The following NKX1-1 variants were observed in gnomAD, a reference collection of about 807,000 sequenced individuals.
NKX1-1 encodes the protein NK1 homeobox 1.
A neutral mutation model predicts 1.7 loss-of-function variants in NKX1-1; 7 were observed. The ratio of observed to expected loss-of-function variants is 4.22; its 90% confidence interval spans 2.40 to 7.92. NKX1-1 has a LOEUF of 7.92. Ranked by LOEUF, NKX1-1 falls within the 30% of genes most tolerant of loss-of-function variation. The pLI is 0.00. For synonymous variants in NKX1-1, 242 were observed against 85.3 expected (o/e 2.84, Z -10.13); for missense variants, 453 against 171.5 (o/e 2.64, Z -9.17).
At position 1,406,219 on chromosome 4, in the gene NKX1-1, G is replaced by A. The variant is rs13120467; in HGVS notation, c.224C>T (p.Ala75Val). Reference protein sequence around the residue: ...PEGAGAARPAAPLRPTSFSVL... With the variant: ...PEGAGAARPAVPLRPTSFSVL... ...CGAGAAGGAGGTGGGGCGCAGGGGC[G>A]CTGCGGGCCGGGCCGCTCCAGCCCC... is the stretch of plus-strand genomic sequence containing the variant. Residue 75 changes from alanine (A) to valine (V), a missense_variant, in exon 1 of 2, where the codon GCG becomes GTG. Ala to Val is a moderately conservative substitution (Grantham distance 64). Transcript: ENST00000422806. 3 of 553,934 alleles carry A rather than the reference G, an allele frequency of 5.4e-6. No individual in the cohort carries two copies. Among genetic ancestry groups the A allele is most frequent in the East Asian group, 3.6e-5 (1 of 28,166 alleles). The allele number at this position is 553,934 out of a possible 1,614,324, so 34.3% of individuals were successfully genotyped here. A position where few individuals can be genotyped will look rare whatever the true frequency, so the allele number is the denominator to read the frequency against.
At chr4:1,405,666 C>T (rs991854764) in intron 1 of NKX1-1, among the ~76,000 whole-genome samples, 1 of 152,200 alleles carries the variant, frequency 6.6e-6, no homozygotes, top group Non-Finnish European at 1.5e-5. Flanking sequence ...CCGCGAGCGG[C>T]CCCTCGCCTC....
At chr4:1,405,926 A>G (rs1720742230) in intron 1 of NKX1-1, 54 bp downstream of exon 1, 1 of 434,046 alleles carries the variant, frequency 2.3e-6, no homozygotes, top group Admixed American at 4.4e-5. Context: ...GTAAACGCAT[A>G]GAAGCCTCCG....
In NKX1-1 at chr4:1,403,069, C is replaced by T. The variant is rs1418423957; in HGVS notation, c.1210G>A (p.Gly404Arg). The T allele has an allele frequency of 2.7e-5, 13 of 483,486 alleles. No individual in the cohort carries two copies. Among genetic ancestry groups the T allele is most frequent in the Non-Finnish European group, 3.3e-5 (9 of 275,826 alleles). 29.9% of individuals were successfully genotyped at this position (483,486 alleles called of 1,614,324 possible). ...GAPLGMHGPA[G>R]YPAHGPGGLV... is the part of the protein sequence containing the mutation. ...CCTCCGGGGCCGTGCGCCGGGTACC[C>T]GGCCGGGCCGTGCATGCCGAGCGGG... Residue 404 changes from glycine (G) to arginine (R), a missense_variant, in exon 2 of 2, where the codon GGG becomes AGG. Transcript: ENST00000422806.
Position 1,403,667 on chromosome 4 carries a change from C to G in NKX1-1, c.612G>C (p.Thr204=), listed in dbSNP as rs770392207. The change falls in exon 2 of 2, where the codon ACG becomes ACC. Residue 204 remains threonine (T), a synonymous_variant. Coordinates refer to ENST00000422806, the MANE Select transcript of NKX1-1 (RefSeq NM_001290079.1). The part of the protein sequence containing the change: ...EDDDEDEAPE[T]EAARGAEEAR... ...CCTCCTCCGCGCCTCGCGCCGCCTC[C>G]GTCTCGGGCGCTTCGTCCTCGTCGT... 7 of 651,364 alleles carry G rather than the reference C, an allele frequency of 1.1e-5. No homozygotes were observed. Among genetic ancestry groups the G allele is most frequent in the South Asian group, 4.8e-5 (3 of 61,866 alleles). 40.3% of individuals were successfully genotyped at this position (651,364 alleles called of 1,614,324 possible).
In NKX1-1 at chr4:1,406,143, G is replaced by C. The variant is rs1186184211; in HGVS notation, c.300C>G (p.Cys100Trp). Reference sequence around the variant, plus strand: ...CGGGAGCCACTGGGCCCAGCAGCACGCAACGACGCCTCCTGCTGTTGAACT... The same window carrying C: ...CGGGAGCCACTGGGCCCAGCAGCACCCAACGACGCCTCCTGCTGTTGAACT... ...PNKFNSRRRRCVLLGPVAPAA... is the reference protein window; with the variant it reads ...PNKFNSRRRRWVLLGPVAPAA... The change falls in exon 1 of 2, where the codon TGC becomes TGG. Residue 100 changes from cysteine to tryptophan, a missense_variant. Transcript: ENST00000422806. The C allele has an allele frequency of 4.8e-6, 3 of 619,192 alleles. No individual in the cohort carries two copies. Among genetic ancestry groups the C allele is most frequent in the African/African-American group, 1.9e-5 (1 of 51,718 alleles). 38.4% of individuals were successfully genotyped at this position (619,192 alleles called of 1,614,324 possible).
Position 1,403,556 on chromosome 4 carries a change from G to T in NKX1-1, c.723C>A (p.Val241=). The change falls in exon 2 of 2, where the codon GTC becomes GTA. Residue 241 remains valine, a synonymous_variant. Coordinates refer to ENST00000422806, the MANE Select transcript of NKX1-1 (RefSeq NM_001290079.1). The part of the protein sequence containing the change: ...AETDASPGAT[V]DEAAAPGPRE... The stretch of plus-strand genomic sequence containing the variant: ...GGGGTCCGGGGGCCGCTGCCTCGTC[G>T]ACGGTGGCTCCGGGGGACGCGTCGG... 2 of 453,792 alleles carry T rather than the reference G, an allele frequency of 4.4e-6. No homozygotes were observed. Among genetic ancestry groups the T allele is most frequent in the East Asian group, 3.6e-5 (1 of 27,806 alleles). The allele number at this position is 453,792 out of a possible 1,614,324, so 28.1% of individuals were successfully genotyped here.
intron 1 of NKX1-1, among the ~76,000 whole-genome samples, chr4:1,404,109 C>T (rs1325201727): frequency 6.6e-6 from 1 of 152,166 alleles, no homozygotes; most frequent in Non-Finnish European, 1.5e-5. Context: ...GGCGTTTTTG[C>T]CTGAGCGGGG....
chr4:1,403,574 C>A lies in NKX1-1; in HGVS notation c.705G>T (p.Ala235=). 2.2e-6 allele frequency: 1 copy of A among 454,168 alleles called. No individual in the cohort carries two copies. Among genetic ancestry groups the A allele is most frequent in the Non-Finnish European group, 3.8e-6 (1 of 262,386 alleles). The allele number at this position is 454,168 out of a possible 1,614,324, so 28.1% of individuals were successfully genotyped here. The change falls in exon 2 of 2, where the codon GCG becomes GCT. Residue 235 remains alanine (A), a synonymous_variant. Coordinates refer to ENST00000422806, the MANE Select transcript of NKX1-1 (RefSeq NM_001290079.1). Reference sequence around the variant, plus strand: ...CCTCGTCGACGGTGGCTCCGGGGGACGCGTCGGTCTCAGCCGCGCCCTGGC... The same window carrying A: ...CCTCGTCGACGGTGGCTCCGGGGGAAGCGTCGGTCTCAGCCGCGCCCTGGC... ...SGCQGAAETD[A]SPGATVDEAA...
chr4:1,403,349 C>A lies in NKX1-1; in HGVS notation c.930G>T (p.Ala310=). 7 of 732,920 alleles carry A rather than the reference C, an allele frequency of 9.6e-6. No homozygotes were observed. The highest frequency in any genetic ancestry group is 3.1e-5 in the East Asian group (1 of 32,426). The allele number at this position is 732,920 out of a possible 1,614,324, so 45.4% of individuals were successfully genotyped here. ...RTAFTYEQLV[A]LENKFKATRY... ...GCGTGGCCTTGAACTTGTTCTCCAGCGCCACGAGCTGCTCGTAGGTGAAGG... is the reference window on the plus strand; with the variant it reads ...GCGTGGCCTTGAACTTGTTCTCCAGAGCCACGAGCTGCTCGTAGGTGAAGG... The change falls in exon 2 of 2, where the codon GCG becomes GCT. Residue 310 remains alanine (A), a synonymous_variant. Coordinates refer to ENST00000422806, the MANE Select transcript of NKX1-1 (RefSeq NM_001290079.1).
chr4:1,403,863 G>T (rs1046956344), intron 1 of NKX1-1, 48 bp from the exon 2 acceptor site: 3 of 569,356 alleles, frequency 5.3e-6, no homozygotes, highest in South Asian at 2.0e-5. Context: ...AGGACCGGCC[G>T]GTTCCCAGAT....
At position 1,403,238 on chromosome 4, in the gene NKX1-1, GC is replaced by G; in HGVS notation, c.1040del (p.Arg347ProfsTer?). On this transcript the variant is annotated frameshift_variant, in exon 2 of 2. Transcript: ENST00000422806. LOFTEE classifies it low-confidence loss of function (END_TRUNC). ...GGTTCTGCTTCTTCCACTTGGTTCGGCGGTTCTGGAACCAGATCTTCACCTG... is the reference window on the plus strand; with the variant it reads ...GGTTCTGCTTCTTCCACTTGGTTCGGGGTTCTGGAACCAGATCTTCACCTG... ...ETQVKIWFQN[R>X]RTKWKKQNPG... 1 of 735,444 alleles carries G rather than the reference GC, an allele frequency of 1.4e-6. No homozygotes were observed. Among genetic ancestry groups the G allele is most frequent in the Non-Finnish European group, 2.5e-6 (1 of 397,552 alleles). 45.6% of individuals were successfully genotyped at this position (735,444 alleles called of 1,614,324 possible).
chr4:1,404,914 C>T (rs924545977), intron 1 of NKX1-1, among the ~76,000 whole-genome samples: 1 of 152,232 alleles, frequency 6.6e-6, no homozygotes, highest in Non-Finnish European at 1.5e-5. Context: ...CGCCCCTAGA[C>T]GACCGCGAGC....
At position 1,406,158 on chromosome 4, in the gene NKX1-1, G is replaced by T; in HGVS notation, c.285C>A (p.Ser95Arg). Residue 95 changes from serine (S) to arginine (R), a missense_variant, in exon 1 of 2, where the codon AGC becomes AGA. By Grantham distance (110) the Ser-to-Arg change is moderately radical. Coordinates refer to ENST00000422806, the MANE Select transcript of NKX1-1 (RefSeq NM_001290079.1). Reference sequence around the variant, plus strand: ...CCAGCAGCACGCAACGACGCCTCCTGCTGTTGAACTTGTTGGGGTCCAGGA... The same window carrying T: ...CCAGCAGCACGCAACGACGCCTCCTTCTGTTGAACTTGTTGGGGTCCAGGA... ...LDILDPNKFN[S>R]RRRRCVLLGP... 1 of 620,226 alleles carries T rather than the reference G, an allele frequency of 1.6e-6. No homozygotes were observed. The highest frequency in any genetic ancestry group is 2.9e-6 in the Non-Finnish European group (1 of 345,950). 38.4% of individuals were successfully genotyped at this position (620,226 alleles called of 1,614,324 possible).
rs978327990 is a variant in NKX1-1 at position 1,403,794 on chromosome 4, G to A, written c.485C>T (p.Ala162Val). The change falls in exon 2 of 2, where the codon GCA (alanine) becomes GTA (valine). Residue 162 changes from alanine (A) to valine (V), a missense_variant. Ala to Val is a moderately conservative substitution (Grantham distance 64). Transcript: ENST00000422806. ...GGTGTCGTTGGTCTCGGCCTCCCCTGCCTTGAAGGGGTCGCCGGCGTCTGC... is the reference window on the plus strand; with the variant it reads ...GGTGTCGTTGGTCTCGGCCTCCCCTACCTTGAAGGGGTCGCCGGCGTCTGC... ...EPPNAGDPFK[A>V]GEAETNDTNG... The A allele has an allele frequency of 1.5e-5, 10 of 677,694 alleles. No homozygotes were observed. The highest frequency in any genetic ancestry group is 2.1e-5 in the Non-Finnish European group (8 of 373,890). The allele number at this position is 677,694 out of a possible 1,614,324, so 42.0% of individuals were successfully genotyped here.
In NKX1-1 at chr4:1,406,277, C is replaced by A; in HGVS notation, c.166G>T (p.Ala56Ser). The A allele has an allele frequency of 4.8e-6, 2 of 413,368 alleles. No homozygotes were observed. Among genetic ancestry groups the A allele is most frequent in the Non-Finnish European group, 8.4e-6 (2 of 237,238 alleles). The allele number at this position is 413,368 out of a possible 1,614,324, so 25.6% of individuals were successfully genotyped here. A position where few individuals can be genotyped will look rare whatever the true frequency, so the allele number is the denominator to read the frequency against. The change falls in exon 1 of 2, where the codon GCG becomes TCG. Residue 56 changes from alanine to serine, a missense_variant. Ala to Ser is a moderately conservative substitution (Grantham distance 99). Transcript: ENST00000422806. ...AFPRAGAPPL[A>S]ASDTVPAAPE... ...GCCGCAGGCACAGTGTCGCTGGCCG[C>A]GAGCGGCGGGGCTCCAGCGCGGGGA...
chr4:1,405,276 G>A (rs746493834), intron 1 of NKX1-1, among the ~76,000 whole-genome samples: 41 of 152,264 alleles, frequency 2.7e-4, no homozygotes, highest in Non-Finnish European at 5.3e-4. Context: ...GCAATCAGGA[G>A]CAGGTCGAAT....
chr4:1,403,888 G>T (rs1720702896), intron 1 of NKX1-1, 73 bp from the exon 2 acceptor site: 1 of 523,258 alleles, frequency 1.9e-6, no homozygotes, highest in Non-Finnish European at 3.4e-6. Flanking sequence ...CCCTCCGCGC[G>T]CCCCGCTTCC....
chr4:1,404,630 T>C (rs1329589510), intron 1 of NKX1-1, among the ~76,000 whole-genome samples: 1 of 152,072 alleles, frequency 6.6e-6, no homozygotes, highest in East Asian at 1.9e-4. Flanking sequence ...AGTGACTGCA[T>C]TTTGAGTCTC....
At position 1,402,960 on chromosome 4, in the gene NKX1-1, G is replaced by A. The variant is rs1480235048; in HGVS notation, c.1319C>T (p.Ala440Val). ...GAGGTGCGGCGCGTAGAAGGCGGGC[G>A]CCCCGTAGGTCTGCGAGCCCAGCAC... ...PFVLGSQTYG[A>V]PAFYAPHL The change falls in exon 2 of 2, where the codon GCG (alanine) becomes GTG (valine). Residue 440 changes from alanine to valine, a missense_variant. Transcript: ENST00000422806. The A allele has an allele frequency of 3.0e-6, 2 of 665,114 alleles. No homozygotes were observed. Among genetic ancestry groups the A allele is most frequent in the African/African-American group, 1.9e-5 (1 of 52,952 alleles). The allele number at this position is 665,114 out of a possible 1,614,324, so 41.2% of individuals were successfully genotyped here.
Sources: gnomAD v4.1 joint callset for allele counts (sites outside exome capture counted in the v4.1 genomes callset) on GRCh38, gnomAD v4.1.1 for gene constraint, MANE v1.5 for transcripts, NCBI Gene and HGNC (gene_info 2026-07-23, HGNC 2026-07-21) for gene names.